The following ASB5 variants were observed in gnomAD, a reference collection of about 807,000 sequenced individuals.
ASB5 encodes ankyrin repeat and SOCS box containing 5, also known as ankyrin repeat and SOCS box protein 5.
In ASB5, 45 loss-of-function variants were observed where a neutral mutation model predicts 42.1. The ratio of observed to expected loss-of-function variants is 1.07; its 90% CI spans 0.84 to 1.37. ASB5 has a LOEUF of 1.37. ASB5 is among the 40% of genes most tolerant of loss of function. ASB5 has a pLI of 0.00. For missense variants in ASB5, 402 were observed against 399.8 expected, an observed-to-expected ratio of 1.01 and a Z score of -0.05; for synonymous variants, 147 against 150.6, an observed-to-expected ratio of 0.98 and a Z score of 0.18.
At chr4:176,241,492 G>A (rs375554120) in intron 1 of ASB5, 1 of 1,535,632 alleles carries the variant, frequency 6.5e-7, no homozygotes, top group Non-Finnish European at 8.7e-7. Flanking sequence ...CCATTGCAAA[G>A]AGGCATCTGG....
chr4:176,239,575 C>T (rs897585008), intron 1 of ASB5, among the ~76,000 whole-genome samples: 3 of 152,154 alleles, frequency 2.0e-5, no homozygotes, highest in Admixed American at 6.5e-5. Context: ...ACTCTGATCA[C>T]AGAGACTGAG....
At chr4:176,269,845 G>A (rs1754434991), upstream of ASB5, among the ~76,000 whole-genome samples, 1 of 152,016 alleles carries the variant, frequency 6.6e-6, no homozygotes, top group South Asian at 2.1e-4. Context: ...AAAGAAATCA[G>A]GTAAATATAA....
chr4:176,262,969 C>G (rs1190524503), intron 1 of ASB5, among the ~76,000 whole-genome samples: 1 of 152,172 alleles, frequency 6.6e-6, no homozygotes, highest in Non-Finnish European at 1.5e-5. Context: ...TTGTCCCCTC[C>G]AAACCTCATG....
chr4:176,274,893 T>A (rs2126983534), intron 2 of ASB5, among the ~76,000 whole-genome samples: 1 of 151,538 alleles, frequency 6.6e-6, no homozygotes, highest in Non-Finnish European at 1.5e-5. Context: ...ATCTTTCCAG[T>A]ACTTCCAGCA....
Position 176,215,344 on chromosome 4 carries a change from T to A in ASB5, c.*256A>T, listed in dbSNP as rs1036846494. The A allele has an allele frequency of 4.0e-6, 1 of 249,926 alleles. No homozygotes were observed. The highest frequency in any genetic ancestry group is 2.2e-5 in the African/African-American group (1 of 44,812). 15.5% of individuals were successfully genotyped at this position (249,926 alleles called of 1,614,324 possible). On this transcript the variant is annotated 3_prime_UTR_variant, in exon 7 of 7. Transcript: ENST00000296525. ...AAACATAAGATAGTGACTTTATTAT[T>A]TTTTCCTGAATAAACAGGAGGGTAT...
intron 1 of ASB5, among the ~76,000 whole-genome samples, chr4:176,240,067 C>T (rs535337799): frequency 2.0e-5 from 3 of 152,220 alleles, no homozygotes; most frequent in Admixed American, 6.5e-5. Flanking sequence ...TGTTTAAATG[C>T]TAGATATCTG....
Position 176,268,688 on chromosome 4 carries a change from C to G in ASB5, c.196+225G>C, listed in dbSNP as rs189920039. 3.4e-3 allele frequency among the ~76,000 whole-genome samples: 522 copies of G among 151,904 alleles called. 2 individuals are homozygous for G. Among genetic ancestry groups the G allele is most frequent in the Non-Finnish European group, 6.3e-3 (426 of 67,926 alleles). On this transcript the variant is annotated intron_variant, in intron 1 of 6. Coordinates refer to ENST00000296525, the MANE Select transcript of ASB5 (RefSeq NM_080874.4). ...ATATTCCTATTATATATATAGTATGCCTTCCTTAATCTCTTTTGCAATGAT... is the reference window on the plus strand; with the variant it reads ...ATATTCCTATTATATATATAGTATGGCTTCCTTAATCTCTTTTGCAATGAT...
chr4:176,275,710 T>C (rs1445343666), intron 2 of ASB5: 2 of 152,216 alleles, frequency 1.3e-5, no homozygotes, highest in Non-Finnish European at 2.9e-5. Flanking sequence ...CTCTGGTGCT[T>C]CTATCCTGGA....
At chr4:176,258,169 C>T (rs1754191306) in intron 1 of ASB5, among the ~76,000 whole-genome samples, 1 of 152,110 alleles carries the variant, frequency 6.6e-6, no homozygotes, top group Non-Finnish European at 1.5e-5. Context: ...TGACTTTACG[C>T]CAGACACTGT....
At chr4:176,221,086 G>A (rs1381477364) in intron 5 of ASB5, 69 bp downstream of exon 5, 1 of 1,432,868 alleles carries the variant, frequency 7.0e-7, no homozygotes, top group Non-Finnish European at 9.2e-7. Context: ...TTTTAAAGAT[G>A]CTCATTTAGA....
chr4:176,215,653 T>C lies in ASB5; in HGVS notation c.937A>G (p.Ile313Val). 1 of 1,613,396 alleles carries C rather than the reference T, an allele frequency of 6.2e-7. No homozygotes were observed. The highest frequency in any genetic ancestry group is 1.1e-5 in the South Asian group (1 of 91,056). The change falls in exon 7 of 7, where the codon ATC (isoleucine) becomes GTC (valine). Residue 313 changes from isoleucine to valine, a missense_variant. By Grantham distance (29) the Ile-to-Val change is conservative (BLOSUM62 3). Transcript: ENST00000296525. The stretch of plus-strand genomic sequence containing the variant: ...AACGTTGGCAGCTGGAGTTGTGGGA[T>C]AAGGTGCAATCTTGGTTTTCCTATG... ...SYIGKPRLHL[I>V]PQLQLPTLLK... is the part of the protein sequence containing the mutation.
intron 5 of ASB5, among the ~76,000 whole-genome samples, chr4:176,220,036 C>A (rs1400229528): frequency 6.6e-6 from 1 of 152,064 alleles, no homozygotes; most frequent in Admixed American, 6.6e-5. Flanking sequence ...CTAAAACAAA[C>A]AAACAAACCA....
At chr4:176,251,246 G>A (rs1272326423) in intron 1 of ASB5, among the ~76,000 whole-genome samples, 3 of 146,368 alleles carry the variant, frequency 2.0e-5, no homozygotes, top group Non-Finnish European at 4.5e-5. Context: ...AAAATCAAAC[G>A]TATTTGCAGA....
At chr4:176,219,529 T>G (rs1579309048) in intron 5 of ASB5, among the ~76,000 whole-genome samples, 2 of 62,274 alleles carry the variant, frequency 3.2e-5, no homozygotes, top group African/African-American at 4.5e-5. Context: ...TTGTATGATA[T>G]ATAAATATAT....
At chr4:176,242,211 C>T (rs1005126841) in intron 1 of ASB5, among the ~76,000 whole-genome samples, 1 of 152,146 alleles carries the variant, frequency 6.6e-6, no homozygotes, top group Admixed American at 6.5e-5. Flanking sequence ...ACAGATCCAA[C>T]ATAACCAAGC....
intron 1 of ASB5, among the ~76,000 whole-genome samples, chr4:176,249,798 G>A (rs572996537): frequency 2.6e-5 from 4 of 152,192 alleles, no homozygotes; most frequent in East Asian, 1.9e-4. Flanking sequence ...GGGCGCGGTG[G>A]CTCACGCCTG....
chr4:176,241,973 C>A (rs1753820532), intron 1 of ASB5, among the ~76,000 whole-genome samples: 1 of 152,142 alleles, frequency 6.6e-6, no homozygotes, highest in Non-Finnish European at 1.5e-5. Context: ...CACCACAAAA[C>A]TGCACATACA....
intron 1 of ASB5, among the ~76,000 whole-genome samples, chr4:176,260,370 A>G (rs978770264): frequency 2.6e-5 from 4 of 152,220 alleles, no homozygotes; most frequent in African/African-American, 7.2e-5. Flanking sequence ...ATGGTAACCA[A>G]TGAGGAATTG....
At chr4:176,267,333 A>G (rs2126979710) in intron 1 of ASB5, among the ~76,000 whole-genome samples, 1 of 152,236 alleles carries the variant, frequency 6.6e-6, no homozygotes, top group Middle Eastern at 3.4e-3. Context: ...TCACATTTTG[A>G]TATAGTTCAG....
Sources: gnomAD v4.1 joint callset for allele counts (sites outside exome capture counted in the v4.1 genomes callset) on GRCh38, gnomAD v4.1.1 for gene constraint, MANE v1.5 for transcripts, NCBI Gene and HGNC (gene_info 2026-07-23, HGNC 2026-07-21) for gene names.